FAM209B: variants seen among roughly 807,000 people sequenced by gnomAD.
FAM209B encodes the protein family with sequence similarity 209 member B, also known as protein FAM209B.
FAM209B carries 8 observed loss-of-function variants against 8.9 expected under a neutral mutation model. That is an observed-to-expected ratio of 0.90 (90% CI 0.53 to 1.62). The LOEUF is 1.62. Among genes scored for constraint, FAM209B ranks in the 40% most tolerant of loss-of-function variants. The probability of loss-of-function intolerance (pLI) is 0.00; values close to 1 mark genes in which losing one functional copy is unlikely to be tolerated. For synonymous variants in FAM209B, 67 were observed against 75.0 expected (o/e 0.89, Z 0.55); for missense variants, 175 against 205.3 (o/e 0.85, Z 0.90).
chr20:56,533,624 G>C lies in FAM209B; in HGVS notation c.249+34G>C, dbSNP rs201123129. On this transcript the variant is annotated intron_variant, in intron 1 of 1. Transcript: ENST00000371325. ...GGCTCCATTTTTTTTACACCATATT[G>C]ATTCAATCTCAGGAGTCTCAGGGAA... The C allele has an allele frequency of 1.5e-4, 244 of 1,608,778 alleles. 1 individual carries two copies. The South Asian group carries it at 1.6e-3, about 11-fold the overall frequency.
rs1306601698 is a variant in FAM209B at position 56,533,555 on chromosome 20, A to G, written c.214A>G (p.Ile72Val). ...WLLFAVVPFV[I>V]LQCQRDSEKN... Reference sequence around the variant, plus strand: ...TTTGTTTGCTGTTGTGCCGTTTGTGATACTGCAGTGTCAAAGAGACAGTGA... The same window carrying G: ...TTTGTTTGCTGTTGTGCCGTTTGTGGTACTGCAGTGTCAAAGAGACAGTGA... Residue 72 changes from isoleucine (I) to valine (V), a missense_variant, in exon 1 of 2, where the codon ATA becomes GTA. By Grantham distance (29) the Ile-to-Val change is conservative (BLOSUM62 3). Around this residue, in one of 2 missense-constraint regions of FAM209B, gnomAD observed 166 missense variants for 174.5 expected, o/e 0.95. Coordinates refer to ENST00000371325, the MANE Select transcript of FAM209B (RefSeq NM_001013646.4). 6.2e-7 allele frequency: 1 copy of G among 1,614,062 alleles called. No homozygotes were observed. The highest frequency in any genetic ancestry group is 1.3e-5 in the African/African-American group (1 of 74,912).
Position 56,536,294 on chromosome 20 carries a change from GA to G in FAM209B, c.375del (p.Lys125AsnfsTer61). On this transcript the variant is annotated frameshift_variant, in exon 2 of 2. Transcript: ENST00000371325. LOFTEE classifies it low-confidence loss of function (END_TRUNC). ...TLNELEVELL[K>X]FVSEVQNLKG... is the part of the protein sequence containing the mutation. ...TAAACGAACTTGAAGTGGAGCTTTT[GA>G]AATTTGTGTCCGAAGTGCAGAATCT... The G allele has an allele frequency of 6.2e-7, 1 of 1,613,710 alleles. No individual in the cohort carries two copies. Among genetic ancestry groups the G allele is most frequent in the Non-Finnish European group, 8.5e-7 (1 of 1,179,908 alleles).
At chr20:56,534,036 A>G (rs886903727) in intron 1 of FAM209B, among the ~76,000 whole-genome samples, 2 of 151,918 alleles carry the variant, frequency 1.3e-5, no homozygotes, top group Admixed American at 6.6e-5. Flanking sequence ...TGTGTCTGTA[A>G]TCCCAGCTAC....
At chr20:56,533,653 G>A in intron 1 of FAM209B, 63 bp downstream of exon 1, 1 of 1,596,798 alleles carries the variant, frequency 6.3e-7, no homozygotes, top group Non-Finnish European at 8.5e-7. Context: ...CAGGGAAACG[G>A]ATGTTCTAGT....
At chr20:56,533,819 T>C (rs1263470273) in intron 1 of FAM209B, among the ~76,000 whole-genome samples, 1 of 152,170 alleles carries the variant, frequency 6.6e-6, no homozygotes, top group Non-Finnish European at 1.5e-5. Context: ...GTTTCTTGGC[T>C]CAAAGTTCTT....
At position 56,536,229 on chromosome 20, in the gene FAM209B, C is replaced by G; in HGVS notation, c.307C>G (p.Gln103Glu). The change falls in exon 2 of 2, where the codon CAA (glutamine) becomes GAA (glutamate). Residue 103 changes from glutamine (Q) to glutamate (E), a missense_variant. By Grantham distance (29) the Gln-to-Glu change is conservative. Around this residue, in one of 2 missense-constraint regions of FAM209B, gnomAD observed 166 missense variants for 174.5 expected, o/e 0.95. Coordinates refer to ENST00000371325, the MANE Select transcript of FAM209B (RefSeq NM_001013646.4). Reference sequence around the variant, plus strand: ...ATTTCGCACTCCACTAAAGAAAAATCAAAATGCTTCTCTTTACAAAGACTG... The same window carrying G: ...ATTTCGCACTCCACTAAAGAAAAATGAAAATGCTTCTCTTTACAAAGACTG... ...FPFRTPLKKN[Q>E]NASLYKDCVF... 1.3e-6 allele frequency: 2 copies of G among 1,593,236 alleles called. No homozygotes were observed. Among genetic ancestry groups the G allele is most frequent in the South Asian group, 1.1e-5 (1 of 88,106 alleles).
intron 1 of FAM209B, 46 bp from the exon 2 acceptor site, chr20:56,536,126 C>G (rs1400449803): frequency 1.4e-6 from 2 of 1,464,326 alleles, no homozygotes; most frequent in Non-Finnish European, 1.8e-6. Context: ...GTGTCAAAAC[C>G]AGCAAAGTCC....
intron 1 of FAM209B, among the ~76,000 whole-genome samples, chr20:56,534,985 G>C (rs1412549393): frequency 6.6e-6 from 1 of 151,526 alleles, no homozygotes; most frequent in African/African-American, 2.4e-5. Context: ...GGAGGTGGAG[G>C]TTGCAGTGAG....
At chr20:56,535,720 A>G (rs564736448) in intron 1 of FAM209B, among the ~76,000 whole-genome samples, 1 of 152,322 alleles carries the variant, frequency 6.6e-6, no homozygotes, top group South Asian at 2.1e-4. Flanking sequence ...GGTGTAAAGT[A>G]GTAACAGCTG....
At chr20:56,534,772 A>AAT in intron 1 of FAM209B, among the ~76,000 whole-genome samples, 1 of 127,602 alleles carries the variant, frequency 7.8e-6, no homozygotes, top group South Asian at 2.5e-4. Context: ...AAAAAAAAAA[A>AAT]GCTGGGCCCA....
rs1985974117 is a variant in FAM209B at position 56,536,434 on chromosome 20, G to T, written c.512G>T (p.Ser171Ile). The T allele has an allele frequency of 6.3e-7, 1 of 1,588,228 alleles. No individual in the cohort carries two copies. The highest frequency in any genetic ancestry group is 8.6e-7 in the Non-Finnish European group (1 of 1,167,044). Residue 171 changes from serine (S) to isoleucine (I), a missense_variant, in exon 2 of 2, where the codon AGC becomes ATC. By Grantham distance (142) the Ser-to-Ile change is moderately radical. Coordinates refer to ENST00000371325, the MANE Select transcript of FAM209B (RefSeq NM_001013646.4). ...AAAATATGGGGAGAAGAAAGCTCTA[G>T]CTGAATGGATTTGTGTGTCAGGAGA... The part of the protein sequence containing the change: ...ICKIWGEESS[S>I]
At chr20:56,535,797 C>T (rs1985953774) in intron 1 of FAM209B, among the ~76,000 whole-genome samples, 1 of 152,114 alleles carries the variant, frequency 6.6e-6, no homozygotes, top group Non-Finnish European at 1.5e-5. Flanking sequence ...CGTATTCTCC[C>T]CTAGAAAGAC....
In FAM209B at chr20:56,536,474, G is replaced by A. The variant is rs750465881; in HGVS notation, c.*36G>A. On this transcript the variant is annotated 3_prime_UTR_variant, in exon 2 of 2. Transcript: ENST00000371325. ...GTGTCAGGAGAGAAAAAAGTTGAGT[G>A]TTGACAAACTGTATGCAAACTAATA... 7 of 1,534,672 alleles carry A rather than the reference G, an allele frequency of 4.6e-6. No individual in the cohort carries two copies. Among genetic ancestry groups the A allele is most frequent in the Non-Finnish European group, 6.1e-6 (7 of 1,140,994 alleles).
chr20:56,536,430 T>C lies in FAM209B; in HGVS notation c.508T>C (p.Ser170Pro). 2 of 1,590,298 alleles carry C rather than the reference T, an allele frequency of 1.3e-6. No individual in the cohort carries two copies. Among genetic ancestry groups the C allele is most frequent in the Non-Finnish European group, 1.7e-6 (2 of 1,168,056 alleles). ...TICKIWGEES[S>P]S ...CTGTAAAATATGGGGAGAAGAAAGC[T>C]CTAGCTGAATGGATTTGTGTGTCAG... The change falls in exon 2 of 2, where the codon TCT becomes CCT. Residue 170 changes from serine to proline, a missense_variant. Coordinates refer to ENST00000371325, the MANE Select transcript of FAM209B (RefSeq NM_001013646.4).
chr20:56,533,882 C>G (rs955008487), intron 1 of FAM209B, among the ~76,000 whole-genome samples: 1 of 152,172 alleles, frequency 6.6e-6, no homozygotes, highest in Non-Finnish European at 1.5e-5. Context: ...CTCAGCCGGG[C>G]GCAGTGGTTC....
chr20:56,535,459 CG>C (rs1350137300), intron 1 of FAM209B, among the ~76,000 whole-genome samples: 7 of 150,872 alleles, frequency 4.6e-5, no homozygotes, highest in African/African-American at 1.7e-4. Flanking sequence ...GGCATGATGG[CG>C]GGTGCCTGTA....
chr20:56,534,080 C>G (rs1254751010), intron 1 of FAM209B, among the ~76,000 whole-genome samples: 2 of 152,020 alleles, frequency 1.3e-5, no homozygotes, highest in East Asian at 3.9e-4. Flanking sequence ...GGCTTGAACC[C>G]TGGAGGCAGA....
chr20:56,535,040 ACT>A (rs1319881052), intron 1 of FAM209B, among the ~76,000 whole-genome samples: 1 of 142,334 alleles, frequency 7.0e-6, no homozygotes, highest in Non-Finnish European at 1.5e-5. Flanking sequence ...CAAGAGCAAA[ACT>A]CTGTCTCAAA....
chr20:56,535,941 T>G (rs1985957539), intron 1 of FAM209B, among the ~76,000 whole-genome samples: 1 of 152,156 alleles, frequency 6.6e-6, no homozygotes, highest in Non-Finnish European at 1.5e-5. Context: ...AAATCTGCTG[T>G]TGTAACATGA....
Sources: gnomAD v4.1 joint callset for allele counts (sites outside exome capture counted in the v4.1 genomes callset) on GRCh38, gnomAD v4.1.1 for gene constraint, gnomAD v4.1.1 regional missense constraint, MANE v1.5 for transcripts, NCBI Gene and HGNC (gene_info 2026-07-23, HGNC 2026-07-21) for gene names.